EIF2AK4: variants seen among roughly 807,000 people sequenced by gnomAD.
EIF2AK4 encodes eukaryotic translation initiation factor 2 alpha kinase 4.
In EIF2AK4, 139 loss-of-function variants were observed where a neutral mutation model predicts 211.1. That is an observed-to-expected ratio of 0.66 (90% CI 0.57 to 0.76). The LOEUF (loss-of-function observed/expected upper bound fraction) is 0.76, where lower values mean the gene tolerates loss of function less well. EIF2AK4 is among the 30% of genes least tolerant of loss of function. The pLI is 0.00. For synonymous variants in EIF2AK4, 710 were observed against 751.3 expected (o/e 0.94, Z 0.90); for missense variants, 1,664 against 2,043.8 (o/e 0.81, Z 3.58).
intron 3 of EIF2AK4, chr15:39,946,475 T>C: frequency 1.5e-6 from 1 of 673,342 alleles, no homozygotes; most frequent in Non-Finnish European, 2.7e-6. Context: ...ATTAGTTGCC[T>C]CTTATAGATT....
At position 40,017,140 on chromosome 15, in the gene EIF2AK4, G is replaced by T. The variant is rs1162038508; in HGVS notation, c.3963G>T (p.Val1321=). 2 of 1,613,990 alleles carry T rather than the reference G, an allele frequency of 1.2e-6. No individual in the cohort carries two copies. The highest frequency in any genetic ancestry group is 2.2e-5 in the South Asian group (2 of 91,072). Residue 1321 remains valine (V), a synonymous_variant, in exon 29 of 39, where the codon GTG becomes GTT. Coordinates refer to ENST00000263791, the MANE Select transcript of EIF2AK4 (RefSeq NM_001013703.4). ...VLINLGLVYK[V]QQHNGIIFQF... is the part of the protein sequence containing the mutation. ...TCAATTTGGGCTTGGTTTACAAGGT[G>T]CAGCAGCACAATGGAATCATCTTCC...
intron 17 of EIF2AK4, 56 bp from the exon 18 acceptor site, chr15:39,992,713 G>T: frequency 2.7e-6 from 4 of 1,485,434 alleles, no homozygotes; most frequent in South Asian, 2.3e-5. Context: ...TTTTTAGTTT[G>T]TGTCTTCTGT....
At chr15:39,955,506 C>G in intron 5 of EIF2AK4, 114 bp from the exon 6 acceptor site, 2 of 1,051,752 alleles carry the variant, frequency 1.9e-6, no homozygotes, top group African/African-American at 1.7e-5. Context: ...TTTTATTTCA[C>G]TTGTAAACAT....
At chr15:39,997,317 CA>C (rs2035031142) in intron 19 of EIF2AK4, among the ~76,000 whole-genome samples, 1 of 152,180 alleles carries the variant, frequency 6.6e-6, no homozygotes, top group East Asian at 1.9e-4. Context: ...CAAAGATCAT[CA>C]GCATGTAGGA....
chr15:40,001,006 C>A lies in EIF2AK4; in HGVS notation c.2941C>A (p.Leu981Met), dbSNP rs549104673. 3.1e-6 allele frequency: 5 copies of A among 1,614,224 alleles called. No homozygotes were observed. The South Asian group carries it at 5.5e-5, about 18-fold the overall frequency. ...ATTGTAGAAATCAGTCATCTCCTGGCTGTTGAACCACGATCCAGCAAAACG... is the reference window on the plus strand; with the variant it reads ...ATTGTAGAAATCAGTCATCTCCTGGATGTTGAACCACGATCCAGCAAAACG... ...HAKQKSVISW[L>M]LNHDPAKRPT... is the part of the protein sequence containing the mutation. The change falls in exon 21 of 39, where the codon CTG (leucine) becomes ATG (methionine). Residue 981 changes from leucine to methionine, a missense_variant. Leu to Met is a conservative substitution (Grantham distance 15). Around this residue, in one of 7 missense-constraint regions of EIF2AK4, gnomAD observed 622 missense variants for 796.8 expected, o/e 0.78. Transcript: ENST00000263791.
chr15:39,934,418 G>A, intron 1 of EIF2AK4, 79 bp downstream of exon 1: 1 of 1,502,140 alleles, frequency 6.7e-7, no homozygotes, highest in South Asian at 1.2e-5. Context: ...GACACTTCCA[G>A]ATTGGGCCGC....
intron 1 of EIF2AK4, among the ~76,000 whole-genome samples, chr15:39,934,855 G>C (rs1245671620): frequency 3.3e-5 from 5 of 152,088 alleles, no homozygotes; most frequent in African/African-American, 7.2e-5. Context: ...TGTGTTTTCC[G>C]GTATGGAGGA....
chr15:39,949,890 T>TA (rs2034282735), intron 4 of EIF2AK4, among the ~76,000 whole-genome samples: 1 of 152,068 alleles, frequency 6.6e-6, no homozygotes, highest in African/African-American at 2.4e-5. Flanking sequence ...TACAAATAGT[T>TA]ACCATTTGTA....
chr15:39,973,061 T>G, intron 10 of EIF2AK4, 47 bp downstream of exon 10: 7 of 1,544,490 alleles, frequency 4.5e-6, no homozygotes, highest in Non-Finnish European at 6.3e-6. Context: ...TGACATTAAA[T>G]TATTTTGAAA....
rs921625352 is a variant in EIF2AK4 at position 39,943,476 on chromosome 15, C to T, written c.351C>T (p.His117=). The T allele has an allele frequency of 1.3e-6, 2 of 1,576,450 alleles. No individual in the cohort carries two copies. The highest frequency in any genetic ancestry group is 2.8e-5 in the African/African-American group (2 of 72,030). The stretch of plus-strand genomic sequence containing the variant: ...GCCTAGAAGAACTGGCCAAGAAACA[C>T]TGTGGGGAGGTAAGATTTGTTAAAC... ...KSRLEELAKK[H]CGEVMIFELA... The change falls in exon 3 of 39, where the codon CAC becomes CAT. Residue 117 remains histidine, a synonymous_variant. Coordinates refer to ENST00000263791, the MANE Select transcript of EIF2AK4 (RefSeq NM_001013703.4).
Position 40,034,407 on chromosome 15 carries a change from G to A in EIF2AK4, c.4855G>A (p.Val1619Ile). ...RLPKQRYLKL[V>I]CDEIYNIKVE... The stretch of plus-strand genomic sequence containing the variant: ...GCCAAAGCAAAGATACCTCAAATTA[G>A]TCTGTGATGAAATTTATAACATCAA... The change falls in exon 38 of 39, where the codon GTC (valine) becomes ATC (isoleucine). Residue 1619 changes from valine (V) to isoleucine (I), a missense_variant. Around this residue, in one of 7 missense-constraint regions of EIF2AK4, gnomAD observed 138 missense variants for 165.1 expected, o/e 0.84. Transcript: ENST00000263791. The A allele has an allele frequency of 1.9e-6, 3 of 1,614,020 alleles. No individual in the cohort carries two copies. The highest frequency in any genetic ancestry group is 2.5e-6 in the Non-Finnish European group (3 of 1,179,960).
At position 39,973,486 on chromosome 15, in the gene EIF2AK4, A is replaced by C. The variant is rs999936356; in HGVS notation, c.1661-106A>C. The C allele has an allele frequency of 5.7e-6, 7 of 1,229,004 alleles. No individual in the cohort carries two copies. In the African/African-American group the frequency reaches 1.1e-4, roughly 19 times the overall value. The allele number at this position is 1,229,004 out of a possible 1,614,324, so 76.1% of individuals were successfully genotyped here. On this transcript the variant is annotated intron_variant, in intron 10 of 38. Coordinates refer to ENST00000263791, the MANE Select transcript of EIF2AK4 (RefSeq NM_001013703.4). ...ACTCAGGTAAGAGGTAATTTTTCAA[A>C]CTACTGGTTGGAGCTCTTCTTCCAG...
intron 11 of EIF2AK4, chr15:39,974,150 C>T (rs1055020178): frequency 2.0e-5 from 3 of 153,762 alleles, no homozygotes; most frequent in African/African-American, 4.8e-5. Flanking sequence ...GGACTTCAAA[C>T]TGGGAGATGG....
chr15:40,027,081 A>T (rs2035474813), intron 33 of EIF2AK4, among the ~76,000 whole-genome samples: 1 of 152,218 alleles, frequency 6.6e-6, no homozygotes, highest in Non-Finnish European at 1.5e-5. Context: ...TAAAAATAAC[A>T]ATAACCCCAT....
In EIF2AK4 at chr15:40,017,196, G is replaced by A. The variant is rs778309113; in HGVS notation, c.4019G>A (p.Arg1340Lys). ...QFVAFIKRRQRAVPEILAAGG... is the reference protein window; with the variant it reads ...QFVAFIKRRQKAVPEILAAGG... ...GTGGCTTTCATCAAACGAAGGCAAA[G>A]GGCTGTACCTGAAATCCTCGCAGCT... The change falls in exon 29 of 39, where the codon AGG becomes AAG. Residue 1340 changes from arginine (R) to lysine (K), a missense_variant. This residue lies in a region of EIF2AK4 where 622 missense variants were observed against 796.8 expected (regional missense o/e 0.78). Transcript: ENST00000263791. 1 of 1,613,816 alleles carries A rather than the reference G, an allele frequency of 6.2e-7. No homozygotes were observed. The highest frequency in any genetic ancestry group is 8.5e-7 in the Non-Finnish European group (1 of 1,179,782).
chr15:39,989,616 G>T (rs1049209137), intron 15 of EIF2AK4, among the ~76,000 whole-genome samples: 1 of 152,168 alleles, frequency 6.6e-6, no homozygotes, highest in Non-Finnish European at 1.5e-5. Context: ...TGTGTGTCCC[G>T]TGCTTGAGAG....
At chr15:39,975,754 A>G (rs1344260893) in intron 11 of EIF2AK4, among the ~76,000 whole-genome samples, 1 of 152,208 alleles carries the variant, frequency 6.6e-6, no homozygotes, top group Non-Finnish European at 1.5e-5. Context: ...ATCAATGGGC[A>G]GTGATTGTGT....
chr15:39,988,621 G>C (rs2034899335), intron 15 of EIF2AK4, among the ~76,000 whole-genome samples: 2 of 152,096 alleles, frequency 1.3e-5, no homozygotes, highest in Admixed American at 1.3e-4. Context: ...TTCACTCTCT[G>C]GCCCTTTACA....
intron 31 of EIF2AK4, chr15:40,022,287 G>T: frequency 2.6e-6 from 1 of 389,878 alleles, no homozygotes; most frequent in African/African-American, 2.1e-5. Context: ...ACTATTGATT[G>T]ATTATTCATG....
Sources: gnomAD v4.1 joint callset for allele counts (sites outside exome capture counted in the v4.1 genomes callset) on GRCh38, gnomAD v4.1.1 for gene constraint, gnomAD v4.1.1 regional missense constraint, MANE v1.5 for transcripts, NCBI Gene and HGNC (gene_info 2026-07-23, HGNC 2026-07-21) for gene names.